The following LOXL2 variants were observed in gnomAD, a reference collection of about 807,000 sequenced individuals.
LOXL2 encodes the protein lysyl oxidase homolog 2.
Under a neutral mutation model 93.0 loss-of-function variants are expected in LOXL2, and 70 were observed. The ratio of observed to expected loss-of-function variants is 0.75; its 90% CI spans 0.62 to 0.92. The LOEUF (loss-of-function observed/expected upper bound fraction) is 0.92, where lower values mean the gene tolerates loss of function less well. Among genes scored for constraint, LOXL2 ranks in the 40% least tolerant of loss-of-function variants. LOXL2 has a pLI of 0.00. For missense variants in LOXL2, 973 were observed against 1,054.9 expected (o/e 0.92, Z 1.08); for synonymous variants, 438 against 413.2 (o/e 1.06, Z -0.73).
chr8:23,337,743 C>T (rs1454613957), intron 4 of LOXL2, among the ~76,000 whole-genome samples: 1 of 152,136 alleles, frequency 6.6e-6, no homozygotes, highest in Non-Finnish European at 1.5e-5. Context: ...CTCTTGGCAC[C>T]AGGAATGGGG....
chr8:23,307,547 G>A (rs1427169853), intron 10 of LOXL2, among the ~76,000 whole-genome samples: 1 of 152,182 alleles, frequency 6.6e-6, no homozygotes, highest in Non-Finnish European at 1.5e-5. Flanking sequence ...TATTCTTAGA[G>A]GAGACCAAGT....
chr8:23,300,204 G>A (rs550824873), intron 12 of LOXL2, among the ~76,000 whole-genome samples: 2 of 152,350 alleles, frequency 1.3e-5, no homozygotes, highest in East Asian at 1.9e-4. Flanking sequence ...TTGGGGACAC[G>A]AGGGCCAGTG....
chr8:23,343,759 A>G (rs1803924065), intron 3 of LOXL2, among the ~76,000 whole-genome samples: 1 of 152,064 alleles, frequency 6.6e-6, no homozygotes, highest in African/African-American at 2.4e-5. Flanking sequence ...TGGATCCTTT[A>G]CAGCCCTCAT....
intron 4 of LOXL2, among the ~76,000 whole-genome samples, chr8:23,339,484 G>T (rs1803846082): frequency 6.6e-6 from 1 of 152,206 alleles, no homozygotes; most frequent in Non-Finnish European, 1.5e-5. Flanking sequence ...AAACTGGCCT[G>T]AGATCAACTC....
intron 4 of LOXL2, among the ~76,000 whole-genome samples, chr8:23,339,402 C>T (rs1054917376): frequency 8.5e-5 from 13 of 152,240 alleles, no homozygotes; most frequent in African/African-American, 2.6e-4. Context: ...AAGCCACAGA[C>T]GAGAGGGTGG....
At chr8:23,363,102 T>A (rs1224879296) in intron 2 of LOXL2, 2 of 151,770 alleles carry the variant, frequency 1.3e-5, no homozygotes, top group Non-Finnish European at 2.9e-5. Context: ...GCTTTCAACC[T>A]CCCTTTCCCT....
intron 4 of LOXL2, among the ~76,000 whole-genome samples, chr8:23,340,099 C>A (rs1376792870): frequency 6.6e-6 from 1 of 152,200 alleles, no homozygotes; most frequent in Non-Finnish European, 1.5e-5. Flanking sequence ...TATAGCTGGA[C>A]ACAGGGGACC....
intron 1 of LOXL2, among the ~76,000 whole-genome samples, chr8:23,396,286 C>T (rs1409268275): frequency 1.3e-5 from 2 of 152,000 alleles, no homozygotes; most frequent in African/African-American, 4.8e-5. Flanking sequence ...CATTGCATTA[C>T]AGCCTGGACA....
At chr8:23,385,292 G>A (rs1410118923) in intron 1 of LOXL2, among the ~76,000 whole-genome samples, 1 of 149,684 alleles carries the variant, frequency 6.7e-6, no homozygotes, top group Non-Finnish European at 1.5e-5. Flanking sequence ...TGTTGCCCAG[G>A]CTGGAGTGCA....
chr8:23,379,952 C>T (rs1311722802), intron 1 of LOXL2, among the ~76,000 whole-genome samples: 2 of 150,756 alleles, frequency 1.3e-5, no homozygotes, highest in Non-Finnish European at 1.5e-5. Flanking sequence ...TGTCCTGACC[C>T]CACTGTCCTA....
At chr8:23,313,131 C>A (rs1803342992) in intron 9 of LOXL2, among the ~76,000 whole-genome samples, 1 of 152,150 alleles carries the variant, frequency 6.6e-6, no homozygotes, top group Admixed American at 6.5e-5. Context: ...CTACAAACCA[C>A]TGCTCAACAA....
intron 13 of LOXL2, 78 bp downstream of exon 13, chr8:23,298,758 T>C (rs1050444465): frequency 1.2e-6 from 1 of 857,322 alleles, no homozygotes; most frequent in South Asian, 1.4e-5. Context: ...TTACCCAAAT[T>C]AGGAAGCTGC....
intron 8 of LOXL2, among the ~76,000 whole-genome samples, chr8:23,317,584 G>C (rs1033344797): frequency 1.3e-5 from 2 of 152,166 alleles, no homozygotes; most frequent in African/African-American, 4.8e-5. Context: ...TATTTGCATA[G>C]GTCAATCATT....
In LOXL2 at chr8:23,361,839, AAAAAC is replaced by A. The variant is rs559148835; in HGVS notation, c.356-1579_356-1575del. On this transcript the variant is annotated intron_variant, in intron 2 of 13. Coordinates refer to ENST00000389131, the MANE Select transcript of LOXL2 (RefSeq NM_002318.3). ...TGGTGACAGAGCAAGACTCCGTCTC[AAAAAC>A]AAAACAAAACAAAACAAAACAAACA... 1.3e-3 allele frequency among the ~76,000 whole-genome samples: 194 copies of A among 147,114 alleles called. 1 individual carries two copies. In the East Asian group the frequency reaches 0.02, roughly 15 times the overall value.
intron 9 of LOXL2, among the ~76,000 whole-genome samples, chr8:23,310,445 T>G (rs1165042768): frequency 6.6e-6 from 1 of 152,250 alleles, no homozygotes; most frequent in Non-Finnish European, 1.5e-5. Flanking sequence ...ACAGTTCCCC[T>G]TAAAATACAT....
intron 5 of LOXL2, chr8:23,328,807 T>C: frequency 2.0e-6 from 1 of 488,048 alleles, no homozygotes; most frequent in Non-Finnish European, 3.7e-6. Context: ...CAAGCTCCCT[T>C]TGCAGCCCTC....
At chr8:23,375,350 C>A (rs1456855981) in intron 1 of LOXL2, among the ~76,000 whole-genome samples, 1 of 152,042 alleles carries the variant, frequency 6.6e-6, no homozygotes, top group Admixed American at 6.6e-5. Context: ...TTACTGTAGC[C>A]TTGTAGTATA....
chr8:23,347,840 G>A lies in LOXL2; in HGVS notation c.532-6637C>T, dbSNP rs536754362. ...GTTAAAAAATTAGCTGGGCACCAGCGATCCCATTACTGGGTATATACCCAA... is the reference window on the plus strand; with the variant it reads ...GTTAAAAAATTAGCTGGGCACCAGCAATCCCATTACTGGGTATATACCCAA... On this transcript the variant is annotated intron_variant, in intron 3 of 13. Coordinates refer to ENST00000389131, the MANE Select transcript of LOXL2 (RefSeq NM_002318.3). Among the ~76,000 whole-genome samples, 217 of 152,090 alleles carry A rather than the reference G, an allele frequency of 1.4e-3. 1 individual carries two copies. Among genetic ancestry groups the A allele is most frequent in the African/African-American group, 4.4e-3 (182 of 41,492 alleles).
At chr8:23,321,981 G>A in intron 7 of LOXL2, 149 bp downstream of exon 7, 3 of 879,430 alleles carry the variant, frequency 3.4e-6, no homozygotes, top group Admixed American at 2.4e-5. Context: ...AGGTTCGAGG[G>A]GGAACTAAAC....
Sources: allele counts gnomAD v4.1 joint callset (sites outside exome capture counted in the v4.1 genomes callset), GRCh38; gene constraint gnomAD v4.1.1; transcripts MANE v1.5; gene names NCBI Gene and HGNC (gene_info 2026-07-23, HGNC 2026-07-21).